GRID2: variants seen among roughly 807,000 people sequenced by gnomAD.
GRID2 encodes glutamate receptor ionotropic, delta-2.
GRID2 carries 33 observed loss-of-function variants against 114.8 expected under a neutral mutation model. That is an observed-to-expected ratio of 0.29 (90% confidence interval 0.22 to 0.38). GRID2 has a LOEUF of 0.38. GRID2 is among the 10% of genes least tolerant of loss of function. GRID2 has a pLI of 1.00. For synonymous variants in GRID2, 505 were observed against 449.9 expected (o/e 1.12, Z -1.55); for missense variants, 1,184 against 1,257.7 (o/e 0.94, Z 0.89).
intron 2 of GRID2, among the ~76,000 whole-genome samples, chr4:92,745,394 T>C (rs1268954869): frequency 6.6e-6 from 1 of 152,238 alleles, no homozygotes; most frequent in African/African-American, 2.4e-5. Flanking sequence ...TTTTTCATTT[T>C]CATTCTCTCT....
intron 8 of GRID2, among the ~76,000 whole-genome samples, chr4:93,260,434 A>G (rs977682814): frequency 6.6e-6 from 1 of 151,100 alleles, no homozygotes; most frequent in African/African-American, 2.4e-5. Flanking sequence ...TAAATATTAT[A>G]TATTTATTTA....
chr4:93,555,787 C>G (rs1734261318), intron 13 of GRID2, among the ~76,000 whole-genome samples: 1 of 152,184 alleles, frequency 6.6e-6, no homozygotes, highest in Non-Finnish European at 1.5e-5. Context: ...CAAGTGGGTC[C>G]CTGACCCTTG....
chr4:93,594,279 A>G (rs895722853), intron 13 of GRID2, among the ~76,000 whole-genome samples: 116 of 151,972 alleles, frequency 7.6e-4, no homozygotes, highest in Non-Finnish European at 1.2e-3. Flanking sequence ...AACACACAGG[A>G]CCCTCAGCTG....
chr4:92,667,992 C>T (rs969126041), intron 2 of GRID2, among the ~76,000 whole-genome samples: 1 of 151,770 alleles, frequency 6.6e-6, no homozygotes, highest in Non-Finnish European at 1.5e-5. Flanking sequence ...GCATGTGGTA[C>T]TACCGGTATC....
At chr4:92,664,065 GTC>G (rs1360233567) in intron 2 of GRID2, among the ~76,000 whole-genome samples, 1 of 150,912 alleles carries the variant, frequency 6.6e-6, no homozygotes, top group Non-Finnish European at 1.5e-5. Context: ...TCTGGGTTTT[GTC>G]TGTTTGTCTT....
At chr4:92,795,336 C>G (rs994004142) in intron 2 of GRID2, among the ~76,000 whole-genome samples, 2 of 151,802 alleles carry the variant, frequency 1.3e-5, no homozygotes, top group Non-Finnish European at 2.9e-5. Flanking sequence ...ATGGGTTTAT[C>G]AGGGGTTTCT....
intron 10 of GRID2, among the ~76,000 whole-genome samples, chr4:93,430,163 T>C (rs935403535): frequency 2.6e-5 from 4 of 152,040 alleles, no homozygotes; most frequent in Non-Finnish European, 5.9e-5. Context: ...GGAGGCTTTA[T>C]AAATATTTTA....
intron 2 of GRID2, among the ~76,000 whole-genome samples, chr4:92,643,947 G>T (rs776385120): frequency 6.6e-6 from 1 of 151,586 alleles, no homozygotes; most frequent in Non-Finnish European, 1.5e-5. Context: ...ATCTATATTA[G>T]TAAATTACTA....
chr4:92,880,944 C>G (rs913998949), intron 2 of GRID2, among the ~76,000 whole-genome samples: 1 of 152,056 alleles, frequency 6.6e-6, no homozygotes, highest in Non-Finnish European at 1.5e-5. Context: ...CTCTGTCGCC[C>G]CAGGCTGGAG....
chr4:92,858,681 C>G (rs1489678301), intron 2 of GRID2, among the ~76,000 whole-genome samples: 1 of 152,134 alleles, frequency 6.6e-6, no homozygotes, highest in Non-Finnish European at 1.5e-5. Flanking sequence ...CCTCAGCCTC[C>G]TGCGTAGCTG....
chr4:93,626,402 A>G lies in GRID2; in HGVS notation c.2327A>G (p.His776Arg). Residue 776 changes from histidine to arginine, a missense_variant, in exon 14 of 16, where the codon CAT becomes CGT. Physicochemically the swap from His to Arg is conservative, Grantham distance 29. Transcript: ENST00000282020. The stretch of plus-strand genomic sequence containing the variant: ...CGGGGATATGGAATTGCATTACAAC[A>G]TGGCAGTCCTTACCGAGATGTTTTT... ...ADRGYGIALQ[H>R]GSPYRDVFSQ... The G allele has an allele frequency of 6.2e-7, 1 of 1,610,462 alleles. No homozygotes were observed. The highest frequency in any genetic ancestry group is 2.2e-5 in the East Asian group (1 of 44,720).
intron 2 of GRID2, among the ~76,000 whole-genome samples, chr4:92,950,385 T>C (rs948402353): frequency 2.0e-5 from 3 of 152,192 alleles, no homozygotes; most frequent in African/African-American, 7.2e-5. Flanking sequence ...GGAGGATTTA[T>C]GTACTATGGT....
rs35741890 is a variant in GRID2 at position 92,930,578 on chromosome 4, ATTTTTTT to A, written c.245-154402_245-154396del. 1.9e-3 allele frequency among the ~76,000 whole-genome samples: 224 copies of A among 119,506 alleles called. 2 individuals are homozygous for A. Among genetic ancestry groups the A allele is most frequent in the South Asian group, 9.8e-3 (36 of 3,688 alleles). 78.4% of individuals were successfully genotyped at this position (119,506 alleles called of 152,430 possible). On this transcript the variant is annotated intron_variant, in intron 2 of 15. Coordinates refer to ENST00000282020, the MANE Select transcript of GRID2 (RefSeq NM_001510.4). Reference sequence around the variant, plus strand: ...TTCTTTATCTTGTTACACTTTCGGCATTTTTTTTTTTTTTTTTTTTTGCCAATTCTCA... The same window carrying A: ...TTCTTTATCTTGTTACACTTTCGGCATTTTTTTTTTTTTTGCCAATTCTCA...
chr4:92,310,091 G>C (rs1442890131), intron 1 of GRID2, among the ~76,000 whole-genome samples: 2 of 151,822 alleles, frequency 1.3e-5, no homozygotes, highest in African/African-American at 4.8e-5. Flanking sequence ...GATAATTTTT[G>C]CCTGGTTAAT....
At chr4:92,914,072 C>A (rs1407067654) in intron 2 of GRID2, among the ~76,000 whole-genome samples, 1 of 152,034 alleles carries the variant, frequency 6.6e-6, no homozygotes, top group East Asian at 1.9e-4. Context: ...TTTATTAAAA[C>A]AACAATGAAT....
At chr4:93,029,446 T>G (rs1454580501) in intron 2 of GRID2, among the ~76,000 whole-genome samples, 5 of 152,246 alleles carry the variant, frequency 3.3e-5, no homozygotes, top group African/African-American at 1.2e-4. Flanking sequence ...TTCCTTTTAT[T>G]GACATGATAT....
intron 9 of GRID2, among the ~76,000 whole-genome samples, chr4:93,413,018 C>A (rs149636538): frequency 9.7e-4 from 148 of 152,200 alleles, no homozygotes; most frequent in Middle Eastern, 6.8e-3. Context: ...TGGGTTGGTT[C>A]CAAGTCTTTG....
At chr4:92,396,237 T>G (rs1730485966) in intron 1 of GRID2, among the ~76,000 whole-genome samples, 1 of 151,884 alleles carries the variant, frequency 6.6e-6, no homozygotes, top group Non-Finnish European at 1.5e-5. Flanking sequence ...CATGGTACTG[T>G]TTTATTTCAT....
intron 2 of GRID2, among the ~76,000 whole-genome samples, chr4:93,050,446 G>C (rs1010953109): frequency 6.6e-6 from 1 of 151,616 alleles, no homozygotes; most frequent in Non-Finnish European, 1.5e-5. Context: ...AGAGAGCACT[G>C]AGCAAACTGG....
Sources: allele counts gnomAD v4.1 joint callset (sites outside exome capture counted in the v4.1 genomes callset), GRCh38; gene constraint gnomAD v4.1.1; transcripts MANE v1.5; gene names NCBI Gene and HGNC (gene_info 2026-07-23, HGNC 2026-07-21).